ITGB2: variants seen among roughly 807,000 people sequenced by gnomAD.
ITGB2 encodes integrin beta-2.
In ITGB2, 56 loss-of-function variants were observed where a neutral mutation model predicts 86.8. That is an observed-to-expected ratio of 0.65 (90% CI 0.52 to 0.81). ITGB2 has a LOEUF of 0.81. Among genes scored for constraint, ITGB2 ranks in the 30% least tolerant of loss-of-function variants. The pLI, the probability that ITGB2 is intolerant of heterozygous loss-of-function variation, is 0.00. For synonymous variants in ITGB2, 457 were observed against 450.4 expected (o/e 1.01, Z -0.19); for missense variants, 948 against 1,061.2 (o/e 0.89, Z 1.48).
rs1403566920 is a variant in ITGB2, at chr21:44,890,114, T to C, written c.1521A>G (p.Ser507=). The stretch of plus-strand genomic sequence containing the variant: ...GCCCGCAGACACAGTCCCCCAGCCC[T>C]GAGCAGATGATGGAGTTGTTGTCCT... ...CRKDNNSIIC[S]GLGDCVCGQC... Residue 507 remains serine (S), a synonymous_variant, in exon 12 of 16, where the codon TCA becomes TCG. Coordinates refer to ENST00000652462, the MANE Select transcript of ITGB2 (RefSeq NM_000211.5). 5.6e-6 allele frequency: 9 copies of C among 1,613,420 alleles called. 1 individual carries two copies. In the Admixed American group the frequency reaches 1.3e-4, roughly 24 times the overall value.
In ITGB2 at chr21:44,916,937, T is replaced by C. The variant is rs149868255; in HGVS notation, c.-4+3884A>G. Among the ~76,000 whole-genome samples, 334 of 151,856 alleles carry C rather than the reference T, an allele frequency of 2.2e-3. 3 individuals carry two copies. Among genetic ancestry groups the C allele is most frequent in the African/African-American group, 7.2e-3 (300 of 41,404 alleles). The stretch of plus-strand genomic sequence containing the variant: ...CAGACTCTAAAAATGGCACATGTTG[T>C]ACTAACAAATTGCATAGAGGAAATA... On this transcript the variant is annotated intron_variant, in intron 1 of 15. Transcript: ENST00000652462.
intron 9 of ITGB2, 177 bp from the exon 10 acceptor site, chr21:44,893,721 A>AGGGCTGCCAGGGCCG: frequency 1.3e-6 from 1 of 792,548 alleles, no homozygotes; most frequent in Non-Finnish European, 2.1e-6. Context: ...TGCCAGGGCC[A>AGGGCTGCCAGGGCCG]CAGTCCTGCC....
chr21:44,891,039 C>A (rs2083779057), intron 11 of ITGB2, among the ~76,000 whole-genome samples: 1 of 152,054 alleles, frequency 6.6e-6, no homozygotes, highest in African/African-American at 2.4e-5. Context: ...AGGAAGGGCA[C>A]TGCCACCAGG....
At chr21:44,911,974 G>A (rs1369493490) in intron 1 of ITGB2, among the ~76,000 whole-genome samples, 2 of 152,138 alleles carry the variant, frequency 1.3e-5, no homozygotes, top group Non-Finnish European at 2.9e-5. Context: ...AGCTGGCTGG[G>A]ACCCTTTTAT....
chr21:44,919,006 T>C (rs577480866), intron 1 of ITGB2, among the ~76,000 whole-genome samples: 35 of 149,102 alleles, frequency 2.3e-4, no homozygotes, highest in Admixed American at 4.0e-4. Context: ...CATTCCCCTC[T>C]CCCAGCACTC....
At chr21:44,908,014 G>A (rs1258377502) in intron 3 of ITGB2, 2 of 715,972 alleles carry the variant, frequency 2.8e-6, no homozygotes, top group East Asian at 5.4e-5. Context: ...TATTTCAGAG[G>A]AGCTGAAAAC....
chr21:44,908,221 C>G, intron 3 of ITGB2: 1 of 688,764 alleles, frequency 1.5e-6, no homozygotes, highest in Non-Finnish European at 2.7e-6. Context: ...AAGCTGCTGA[C>G]GGTAAGGAAT....
chr21:44,887,100 T>C (rs1396907005), intron 14 of ITGB2, among the ~76,000 whole-genome samples, 198 bp from the exon 15 acceptor site: 1 of 152,148 alleles, frequency 6.6e-6, no homozygotes, highest in East Asian at 1.9e-4. Flanking sequence ...CCAGGCCCTG[T>C]GGTTCCAAAT....
chr21:44,924,808 C>T (rs1211117785), upstream of ITGB2, among the ~76,000 whole-genome samples: 1 of 152,140 alleles, frequency 6.6e-6, no homozygotes, highest in African/African-American at 2.4e-5. Flanking sequence ...TCTGAAGCCT[C>T]GTGACCCACA....
chr21:44,910,482 C>T (rs2084114179), intron 2 of ITGB2, 110 bp from the exon 3 acceptor site: 6 of 1,576,652 alleles, frequency 3.8e-6, no homozygotes, highest in Non-Finnish European at 5.2e-6. Context: ...GGGAGGCAGC[C>T]TCCAGGAGGA....
chr21:44,928,502 T>C (rs1476134734), intron 1 of ITGB2: 1 of 152,378 alleles, frequency 6.6e-6, no homozygotes, highest in Non-Finnish European at 1.5e-5. Flanking sequence ...AATGCCCTCA[T>C]CTACCAAAAC....
chr21:44,896,097 G>A (rs943036011), intron 8 of ITGB2, among the ~76,000 whole-genome samples: 12 of 151,860 alleles, frequency 7.9e-5, no homozygotes, highest in African/African-American at 2.4e-4. Flanking sequence ...TCCTGCCTGC[G>A]GTGTGACTGC....
chr21:44,897,190 G>A (rs1043815400), intron 8 of ITGB2, among the ~76,000 whole-genome samples: 4 of 152,236 alleles, frequency 2.6e-5, no homozygotes, highest in South Asian at 2.1e-4. Flanking sequence ...CGCTGGTCTC[G>A]CTGTCGGCCC....
intron 10 of ITGB2, among the ~76,000 whole-genome samples, chr21:44,892,744 A>C (rs571325394): frequency 2.0e-5 from 3 of 150,544 alleles, no homozygotes; most frequent in East Asian, 1.9e-4. Context: ...AAAAAAAAAA[A>C]CAAAAAACAA....
chr21:44,916,860 C>G (rs2084219329), intron 1 of ITGB2, among the ~76,000 whole-genome samples: 2 of 140,398 alleles, frequency 1.4e-5, no homozygotes, highest in Non-Finnish European at 3.0e-5. Context: ...AAGAGTGAAA[C>G]TGTCTCAAAA....
At chr21:44,910,863 T>C in intron 1 of ITGB2, 78 bp from the exon 2 acceptor site, 1 of 1,458,948 alleles carries the variant, frequency 6.9e-7, no homozygotes, top group East Asian at 2.3e-5. Context: ...CCCCTCCAGC[T>C]GGCCTGGGAC....
At position 44,893,449 on chromosome 21, in the gene ITGB2, C is replaced by G. The variant is rs1162085262; in HGVS notation, c.1179G>C (p.Arg393Ser). The G allele has an allele frequency of 3.7e-6, 6 of 1,614,046 alleles. No homozygotes were observed. The highest frequency in any genetic ancestry group is 5.1e-6 in the Non-Finnish European group (6 of 1,180,034). ...DSFCSNGVTH[R>S]NQPRGDCDGV... ...CATCACAGTCACCTCTGGGCTGGTT[C>G]CTGTGCGTCACTCCATTGCTGCAGA... The change falls in exon 10 of 16, where the codon AGG becomes AGC. Residue 393 changes from arginine to serine, a missense_variant. By Grantham distance (110) the Arg-to-Ser change is moderately radical. Transcript: ENST00000652462.
In ITGB2 at chr21:44,893,486, G is replaced by A. The variant is rs1333798508; in HGVS notation, c.1142C>T (p.Thr381Ile). The change falls in exon 10 of 16, where the codon ACC (threonine) becomes ATC (isoleucine). Residue 381 changes from threonine to isoleucine, a missense_variant. Thr to Ile is a moderately conservative substitution (Grantham distance 89). Transcript: ENST00000652462. ...TCCATTGCTGCAGAAGGAGTCGTAG[G>A]TGACTTTCAGGGTGTCGGGGAGGGC... The part of the protein sequence containing the change: ...HNALPDTLKV[T>I]YDSFCSNGVT... 3.1e-6 allele frequency: 5 copies of A among 1,614,048 alleles called. No individual in the cohort carries two copies. Among genetic ancestry groups the A allele is most frequent in the Non-Finnish European group, 4.2e-6 (5 of 1,180,016 alleles).
At chr21:44,918,505 A>G (rs1414931189) in intron 1 of ITGB2, among the ~76,000 whole-genome samples, 3 of 152,100 alleles carry the variant, frequency 2.0e-5, no homozygotes, top group African/African-American at 7.2e-5. Flanking sequence ...TGGCCAGACC[A>G]CCCCTCCTGT....
Sources: gnomAD v4.1 joint callset for allele counts (sites outside exome capture counted in the v4.1 genomes callset) on GRCh38, gnomAD v4.1.1 for gene constraint, MANE v1.5 for transcripts, NCBI Gene and HGNC (gene_info 2026-07-23, HGNC 2026-07-21) for gene names.